The following COL11A1 variants were observed in gnomAD, a reference collection of about 807,000 sequenced individuals.
COL11A1 encodes collagen alpha-1(XI) chain.
A neutral mutation model predicts 265.2 loss-of-function variants in COL11A1; 74 were observed. The ratio of observed to expected loss-of-function variants is 0.28; its 90% CI spans 0.23 to 0.34. The LOEUF is 0.34. Ranked by LOEUF, COL11A1 falls within the 10% of genes least tolerant of loss-of-function variation. COL11A1 has a pLI of 1.00. For synonymous variants in COL11A1, 816 were observed against 727.6 expected (o/e 1.12, Z -1.96); for missense variants, 2,165 against 2,263.6 (o/e 0.96, Z 0.88).
chr1:102,934,245 C>T (rs982968728), intron 46 of COL11A1, among the ~76,000 whole-genome samples: 7 of 152,160 alleles, frequency 4.6e-5, no homozygotes. Flanking sequence ...AGGGCTGATA[C>T]ATGTTCAGGA....
chr1:102,929,453 C>G (rs886913656), intron 46 of COL11A1, among the ~76,000 whole-genome samples: 20 of 151,936 alleles, frequency 1.3e-4, no homozygotes, highest in Admixed American at 1.3e-3. Context: ...TGATCTATAT[C>G]TCTGTTTTGG....
chr1:102,890,406 A>G (rs373280926), intron 58 of COL11A1, 45 bp downstream of exon 58: 12 of 1,490,152 alleles, frequency 8.1e-6, no homozygotes, highest in Middle Eastern at 3.5e-4. Flanking sequence ...CTATTAGTAT[A>G]TAAAAGCATA....
chr1:102,987,600 A>G lies in COL11A1; in HGVS notation c.2502+33T>C, dbSNP rs139316012. The G allele has an allele frequency of 2.4e-3, 3,548 of 1,466,614 alleles. 70 individuals are homozygous for G. In the African/African-American group the frequency reaches 0.043, roughly 18 times the overall value. 90.9% of individuals were successfully genotyped at this position (1,466,614 alleles called of 1,614,324 possible). ...AAATGATAATGAAACATCAGCTGCA[A>G]GAGTACCAGTGAATTTAAAGTCATT... On this transcript the variant is annotated intron_variant, in intron 30 of 66. Coordinates refer to ENST00000370096, the MANE Select transcript of COL11A1 (RefSeq NM_001854.4).
intron 1 of COL11A1, among the ~76,000 whole-genome samples, chr1:103,102,593 A>G (rs539918567): frequency 3.3e-5 from 5 of 152,136 alleles, no homozygotes; most frequent in Admixed American, 3.3e-4. Context: ...CCTAATGATC[A>G]CGCCATCCAT....
At chr1:102,945,854 G>A (rs1456476331) in intron 42 of COL11A1, among the ~76,000 whole-genome samples, 4 of 151,910 alleles carry the variant, frequency 2.6e-5, no homozygotes, top group Non-Finnish European at 2.9e-5. Flanking sequence ...TATAAATCAT[G>A]CTGCCATAAA....
rs148395062 is a variant in COL11A1 at position 102,920,344 on chromosome 1, C to T, written c.3729G>A (p.Gly1243=). The change falls in exon 49 of 67, where the codon GGG becomes GGA. Residue 1243 remains glycine, a synonymous_variant. Transcript: ENST00000370096. ...NGADGPQGPP[G]SVGSVGGVGE... is the part of the protein sequence containing the mutation. ...CAACACCACCAACTGAACCAACAGA[C>T]CCTGGGGGTCCTTGTGGTCCCTGCA... The T allele has an allele frequency of 4.3e-4, 693 of 1,613,246 alleles. 2 individuals carry two copies. The East Asian group carries it at 5.6e-3, about 13-fold the overall frequency.
At position 102,914,727 on chromosome 1, in the gene COL11A1, C is replaced by A; in HGVS notation, c.3901G>T (p.Asp1301Tyr). Residue 1301 changes from aspartate (D) to tyrosine (Y), a missense_variant, in exon 51 of 67, where the codon GAT becomes TAT. Coordinates refer to ENST00000370096, the MANE Select transcript of COL11A1 (RefSeq NM_001854.4). ...ACCGGGTTACCCTTAGGGCCATCATCACCTGGTGGCCCCTTGGCACCTGGA... is the reference window on the plus strand; with the variant it reads ...ACCGGGTTACCCTTAGGGCCATCATAACCTGGTGGCCCCTTGGCACCTGGA... ...GPPGAKGPPG[D>Y]DGPKGNPGPV... 6.2e-7 allele frequency: 1 copy of A among 1,612,928 alleles called. No individual in the cohort carries two copies. Among genetic ancestry groups the A allele is most frequent in the Non-Finnish European group, 8.5e-7 (1 of 1,179,492 alleles).
At chr1:102,878,739 C>A (rs1364312510) in intron 66 of COL11A1, among the ~76,000 whole-genome samples, 1 of 151,476 alleles carries the variant, frequency 6.6e-6, no homozygotes, top group African/African-American at 2.4e-5. Context: ...GAACTCCTGA[C>A]CTCAGGTGAT....
rs1180040869 is a variant in COL11A1, at chr1:103,015,739, G to C, written c.1417C>G (p.Pro473Ala). The C allele has an allele frequency of 6.3e-7, 1 of 1,597,946 alleles. No individual in the cohort carries two copies. Among genetic ancestry groups the C allele is most frequent in the Non-Finnish European group, 8.5e-7 (1 of 1,170,790 alleles). ...CCTGGTAAGCCAGGACGTCCTGGGG[G>C]GCCCTAGAAAAATAAATGAAATAAC... ...GPPGDPGDRG[P>A]PGRPGLPGAD... The change falls in exon 12 of 67, where the codon CCC becomes GCC. Residue 473 changes from proline (P) to alanine (A), a missense_variant. Coordinates refer to ENST00000370096, the MANE Select transcript of COL11A1 (RefSeq NM_001854.4).
At chr1:103,035,051 TTC>T (rs1184873612) in intron 4 of COL11A1, among the ~76,000 whole-genome samples, 1 of 152,096 alleles carries the variant, frequency 6.6e-6, no homozygotes, top group Non-Finnish European at 1.5e-5. Flanking sequence ...CCAAGAGACT[TTC>T]TGTGTGCCTT....
chr1:102,988,367 A>C (rs948449376), intron 29 of COL11A1, among the ~76,000 whole-genome samples: 4 of 152,152 alleles, frequency 2.6e-5, no homozygotes, highest in African/African-American at 4.8e-5. Context: ...ATTTTTGTGG[A>C]GGCTAATTTG....
At chr1:102,933,097 A>T (rs1570775278) in intron 46 of COL11A1, among the ~76,000 whole-genome samples, 2 of 149,674 alleles carry the variant, frequency 1.3e-5, no homozygotes, top group African/African-American at 4.9e-5. Context: ...CAGCTCATCA[A>T]AGTCATTCTC....
At chr1:103,000,901 T>C (rs1421281519) in intron 24 of COL11A1, 1 of 346,220 alleles carries the variant, frequency 2.9e-6, no homozygotes, top group African/African-American at 2.1e-5. Flanking sequence ...GTATACCCAA[T>C]CAATGGAATA....
intron 54 of COL11A1, among the ~76,000 whole-genome samples, chr1:102,910,826 C>T (rs939872159): frequency 6.6e-6 from 1 of 152,092 alleles, no homozygotes; most frequent in African/African-American, 2.4e-5. Flanking sequence ...ATTGTGACTG[C>T]ATTGTTCTAC....
intron 14 of COL11A1, among the ~76,000 whole-genome samples, chr1:103,009,677 C>T (rs1485863132): frequency 6.6e-6 from 1 of 152,110 alleles, no homozygotes; most frequent in African/African-American, 2.4e-5. Flanking sequence ...TTAAATACTA[C>T]ATCGTATAAA....
chr1:102,878,522 T>C (rs1343373947), intron 66 of COL11A1, among the ~76,000 whole-genome samples: 1 of 101,156 alleles, frequency 9.9e-6, no homozygotes, highest in African/African-American at 4.6e-5. Context: ...TTTTCTTTCT[T>C]TTTTTTTTTT....
At chr1:102,916,644 T>A (rs1655372372) in intron 49 of COL11A1, among the ~76,000 whole-genome samples, 1 of 152,044 alleles carries the variant, frequency 6.6e-6, no homozygotes, top group African/African-American at 2.4e-5. Context: ...GCAGAGACTA[T>A]TTTGTGTACA....
intron 4 of COL11A1, among the ~76,000 whole-genome samples, chr1:103,067,918 T>C (rs1671277024): frequency 6.6e-6 from 1 of 151,452 alleles, no homozygotes; most frequent in Admixed American, 6.6e-5. Flanking sequence ...AAAAACCGAA[T>C]TAACCTGTAT....
At chr1:102,937,886 A>G (rs1184296750) in intron 44 of COL11A1, among the ~76,000 whole-genome samples, 3 of 152,220 alleles carry the variant, frequency 2.0e-5, no homozygotes, top group Non-Finnish European at 4.4e-5. Context: ...TTGTAAATGT[A>G]TAGTCAATAC....
Sources: allele counts gnomAD v4.1 joint callset (sites outside exome capture counted in the v4.1 genomes callset), GRCh38; gene constraint gnomAD v4.1.1; transcripts MANE v1.5; gene names NCBI Gene and HGNC (gene_info 2026-07-23, HGNC 2026-07-21).